The following VWC2L variants were observed in gnomAD, a reference collection of about 807,000 sequenced individuals.
VWC2L encodes von Willebrand factor C domain-containing protein 2-like.
VWC2L carries 10 observed loss-of-function variants against 21.6 expected under a neutral mutation model. That is an observed-to-expected ratio of 0.46 (90% confidence interval 0.29 to 0.78). The LOEUF (loss-of-function observed/expected upper bound fraction) is 0.78. Among genes scored for constraint, VWC2L ranks in the 30% least tolerant of loss-of-function variants. The pLI, the probability that VWC2L is intolerant of heterozygous loss-of-function variation, is 0.10. For missense variants in VWC2L, 209 were observed against 277.1 expected, an observed-to-expected ratio of 0.75 and a Z score of 1.74; for synonymous variants, 96 against 94.3, an observed-to-expected ratio of 1.02 and a Z score of -0.10.
intron 3 of VWC2L, among the ~76,000 whole-genome samples, chr2:214,512,567 A>T (rs1689072773): frequency 1.4e-5 from 2 of 146,874 alleles, no homozygotes; most frequent in African/African-American, 4.9e-5. Context: ...ACTTAAAAGT[A>T]AAAAAAAAAA....
rs556985697 is a variant in VWC2L at position 214,427,822 on chromosome 2, TGTGTAATA to T, written c.391-8804_391-8797del. ...ATAATTTCAAATACAATGTAAATGC[TGTGTAATA>T]GTTCATTATACTGTATTGTTTAGTA... On this transcript the variant is annotated intron_variant, in intron 2 of 3. Transcript: ENST00000312504. Among the ~76,000 whole-genome samples, 1,076 of 152,336 alleles carry T rather than the reference TGTGTAATA, an allele frequency of 7.1e-3. 12 individuals are homozygous for T. The highest frequency in any genetic ancestry group is 0.038 in the South Asian group (182 of 4,830).
chr2:214,413,870 A>G (rs1273876497), intron 1 of VWC2L, among the ~76,000 whole-genome samples: 1 of 152,202 alleles, frequency 6.6e-6, no homozygotes, highest in African/African-American at 2.4e-5. Flanking sequence ...TATGAAATTC[A>G]GAAGGAAAAT....
intron 3 of VWC2L, among the ~76,000 whole-genome samples, chr2:214,532,054 T>C (rs10221852): frequency 0.44 from 67,062 of 151,944 alleles, 16,914 homozygotes; most frequent in East Asian, 0.74. Context: ...TTGTAACATT[T>C]ATAATGATTA....
At chr2:214,460,108 G>A (rs1329462492) in intron 3 of VWC2L, among the ~76,000 whole-genome samples, 22 of 151,716 alleles carry the variant, frequency 1.5e-4, no homozygotes, top group Non-Finnish European at 2.2e-4. Context: ...GGGTTTCACC[G>A]TGTTGGCCAG....
rs5838434 is a variant in VWC2L at position 214,433,159 on chromosome 2, GATATATAT to G, written c.391-3453_391-3446del. On this transcript the variant is annotated intron_variant, in intron 2 of 3. Transcript: ENST00000312504. The stretch of plus-strand genomic sequence containing the variant: ...GATATATTAACTGCTCAAGCCACCT[GATATATAT>G]ATATATATATATATATTATATATAA... 6.0e-5 allele frequency among the ~76,000 whole-genome samples: 8 copies of G among 133,002 alleles called. 1 individual carries two copies. The highest frequency in any genetic ancestry group is 2.4e-4 in the South Asian group (1 of 4,120). The allele number at this position is 133,002 out of a possible 152,430, so 87.3% of individuals were successfully genotyped here.
chr2:214,491,233 TA>T (rs1166593009), intron 3 of VWC2L, among the ~76,000 whole-genome samples: 4 of 152,132 alleles, frequency 2.6e-5, no homozygotes, highest in African/African-American at 9.7e-5. Context: ...GGTAATAGGT[TA>T]GGGGGATGTT....
At chr2:214,575,447 CTT>C (rs1690214780) in intron 3 of VWC2L, among the ~76,000 whole-genome samples, 1 of 152,100 alleles carries the variant, frequency 6.6e-6, no homozygotes, top group East Asian at 1.9e-4. Flanking sequence ...AAGATTGTCT[CTT>C]TTTATTTAAG....
At chr2:214,566,117 T>C (rs1690058532) in intron 3 of VWC2L, among the ~76,000 whole-genome samples, 1 of 152,196 alleles carries the variant, frequency 6.6e-6, no homozygotes, top group African/African-American at 2.4e-5. Context: ...TTGTTTCAGC[T>C]TGGGAAGTTT....
chr2:214,454,412 T>C (rs1182584688), intron 3 of VWC2L, among the ~76,000 whole-genome samples: 4 of 151,970 alleles, frequency 2.6e-5, no homozygotes, highest in African/African-American at 7.2e-5. Flanking sequence ...AGGTTTTTCA[T>C]AGATGCTTGT....
At chr2:214,432,656 A>C (rs748996535) in intron 2 of VWC2L, among the ~76,000 whole-genome samples, 34 of 152,218 alleles carry the variant, frequency 2.2e-4, no homozygotes, top group Non-Finnish European at 3.8e-4. Context: ...TCTATTAACT[A>C]TACTGTGTAT....
At chr2:214,449,871 C>G (rs1702927546) in intron 3 of VWC2L, among the ~76,000 whole-genome samples, 1 of 152,150 alleles carries the variant, frequency 6.6e-6, no homozygotes, top group South Asian at 2.1e-4. Context: ...CGAGTCTTTC[C>G]TTCCTTTTAC....
At chr2:214,446,117 A>C (rs1702834143) in intron 3 of VWC2L, among the ~76,000 whole-genome samples, 1 of 152,180 alleles carries the variant, frequency 6.6e-6, no homozygotes, top group African/African-American at 2.4e-5. Context: ...ATATGTTCTC[A>C]CTTCTTTTTA....
At chr2:214,561,102 C>T (rs1202379431) in intron 3 of VWC2L, among the ~76,000 whole-genome samples, 2 of 152,298 alleles carry the variant, frequency 1.3e-5, no homozygotes, top group African/African-American at 2.4e-5. Flanking sequence ...CTTTAGCCTG[C>T]ATCAGACTTA....
chr2:214,415,535 T>A (rs1702341912), intron 2 of VWC2L, among the ~76,000 whole-genome samples: 1 of 152,122 alleles, frequency 6.6e-6, no homozygotes, highest in South Asian at 2.1e-4. Flanking sequence ...AGTGTGGGTG[T>A]TTATGTATGA....
chr2:214,421,057 A>G (rs1386156139), intron 2 of VWC2L, among the ~76,000 whole-genome samples: 1 of 152,138 alleles, frequency 6.6e-6, no homozygotes, highest in Non-Finnish European at 1.5e-5. Flanking sequence ...CCTTTACGTA[A>G]TTTTTATACT....
chr2:214,442,689 A>G lies in VWC2L; in HGVS notation c.520+5931A>G, dbSNP rs546765801. ...TATTTTATCAAACATTTGAAGAAAA[A>G]ATAATCCTAATTTTATTGAAATTTT... is the stretch of plus-strand genomic sequence containing the variant. On this transcript the variant is annotated intron_variant, in intron 3 of 3. Coordinates refer to ENST00000312504, the MANE Select transcript of VWC2L (RefSeq NM_001080500.4). 2.0e-5 allele frequency among the ~76,000 whole-genome samples: 3 copies of G among 152,144 alleles called. No homozygotes were observed. The East Asian group carries it at 5.8e-4, about 29-fold the overall frequency.
intron 3 of VWC2L, among the ~76,000 whole-genome samples, chr2:214,545,753 CAT>C (rs1689696132): frequency 6.6e-6 from 1 of 152,142 alleles, no homozygotes; most frequent in African/African-American, 2.4e-5. Context: ...CAAGAAATTT[CAT>C]AGACATCCTT....
rs375107396 is a variant in VWC2L at position 214,527,532 on chromosome 2, C to G, written c.521-48140C>G. On this transcript the variant is annotated intron_variant, in intron 3 of 3. Transcript: ENST00000312504. ...CTCACACCACTCTCCCCTACCTTAG[C>G]TTTTTTCCATTCCTTGAAGCAAGTT... Among the ~76,000 whole-genome samples, 12 of 152,256 alleles carry G rather than the reference C, an allele frequency of 7.9e-5. No homozygotes were observed. In the South Asian group the frequency reaches 2.5e-3, roughly 32 times the overall value.
chr2:214,568,397 T>C (rs148001521), intron 3 of VWC2L, among the ~76,000 whole-genome samples: 2,021 of 152,284 alleles, frequency 0.013, 15 homozygotes, highest in Middle Eastern at 0.027. Context: ...TTGTTTGGAA[T>C]GAGTATTTAT....
Sources: gnomAD v4.1 joint callset for allele counts (sites outside exome capture counted in the v4.1 genomes callset) on GRCh38, gnomAD v4.1.1 for gene constraint, MANE v1.5 for transcripts, NCBI Gene and HGNC (gene_info 2026-07-23, HGNC 2026-07-21) for gene names.